The following GULP1 variants were observed in gnomAD, a reference collection of about 807,000 sequenced individuals.
The protein encoded by GULP1 is PTB domain-containing engulfment adapter protein 1.
Under a neutral mutation model 40.9 loss-of-function variants are expected in GULP1, and 19 were observed. The observed-to-expected ratio is 0.46, with a 90% CI of 0.32 to 0.68. GULP1 has a LOEUF of 0.68. Among genes scored for constraint, GULP1 ranks in the 30% least tolerant of loss-of-function variants. The pLI is 0.03. For synonymous variants in GULP1, 119 were observed against 117.6 expected, an observed-to-expected ratio of 1.01 and a Z score of -0.08; for missense variants, 312 against 362.2, an observed-to-expected ratio of 0.86 and a Z score of 1.12.
At chr2:188,405,174 A>T (rs1333154038) in intron 2 of GULP1, among the ~76,000 whole-genome samples, 3 of 151,866 alleles carry the variant, frequency 2.0e-5, no homozygotes, top group African/African-American at 7.3e-5. Context: ...GTGCTTGCAG[A>T]CCTATCCTCT....
At position 188,412,387 on chromosome 2, in the gene GULP1, C is replaced by T. The variant is rs761762982; in HGVS notation, c.-45+28498C>T. On this transcript the variant is annotated intron_variant, in intron 2 of 11. Coordinates refer to ENST00000409830, the MANE Select transcript of GULP1 (RefSeq NM_016315.4). ...AATAGTGTGATTTCATCTTCACATCCGCTTCAGTGACCCCAGCTAACACTG... is the reference window on the plus strand; with the variant it reads ...AATAGTGTGATTTCATCTTCACATCTGCTTCAGTGACCCCAGCTAACACTG... Among the ~76,000 whole-genome samples, 8 of 152,104 alleles carry T rather than the reference C, an allele frequency of 5.3e-5. No individual in the cohort carries two copies. In the South Asian group the frequency reaches 8.3e-4, roughly 16 times the overall value.
rs903284327 is a variant in GULP1 at position 188,592,673 on chromosome 2, A to G, written c.844-1267A>G. 3 of 152,082 alleles carry G rather than the reference A, an allele frequency of 2.0e-5. No individual in the cohort carries two copies. In the East Asian group the frequency reaches 5.8e-4, roughly 29 times the overall value. The allele number at this position is 152,082 out of a possible 1,614,324, so 9.4% of individuals were successfully genotyped here. A position where few individuals can be genotyped will look rare whatever the true frequency, so the allele number is the denominator to read the frequency against. ...TATTCTTTGAACATTAATAACAAAT[A>G]AAGTATGGCTTACAGCTTTGTAACT... On this transcript the variant is annotated intron_variant, in intron 11 of 11. Coordinates refer to ENST00000409830, the MANE Select transcript of GULP1 (RefSeq NM_016315.4).
intron 9 of GULP1, among the ~76,000 whole-genome samples, chr2:188,575,992 G>C (rs1240028049): frequency 6.6e-6 from 1 of 152,048 alleles, no homozygotes; most frequent in African/African-American, 2.4e-5. Context: ...TAATGGATTG[G>C]TTGGGGGCAG....
Position 188,477,705 on chromosome 2 carries a change from GAA to G in GULP1, c.4_5del (p.Asn2ProfsTer4). ...CATTTATTTGGCTGATCCTCATCAT[GAA>G]CCGTGCTTTTAGCAGGAAGAAAGGT... M[N>X]RAFSRKKDKT... On this transcript the variant is annotated frameshift_variant, in exon 3 of 12. Transcript: ENST00000409830. LOFTEE classifies it high-confidence loss of function. The G allele has an allele frequency of 6.3e-7, 1 of 1,599,856 alleles. No homozygotes were observed. Among genetic ancestry groups the G allele is most frequent in the Non-Finnish European group, 8.5e-7 (1 of 1,173,854 alleles).
intron 2 of GULP1, among the ~76,000 whole-genome samples, chr2:188,399,708 A>AAAAAAAAAAC: frequency 6.7e-6 from 1 of 150,214 alleles, no homozygotes; most frequent in Non-Finnish European, 1.5e-5. Context: ...AAAAAAAAAA[A>AAAAAAAAAAC]AAAAAACATC....
chr2:188,353,909 G>A (rs1488829567), intron 1 of GULP1, among the ~76,000 whole-genome samples: 1 of 151,928 alleles, frequency 6.6e-6, no homozygotes, highest in Non-Finnish European at 1.5e-5. Context: ...AAGCAGAGCA[G>A]CTGTACATCC....
chr2:188,435,286 G>C (rs1222127726), intron 2 of GULP1, among the ~76,000 whole-genome samples: 10 of 151,968 alleles, frequency 6.6e-5, no homozygotes, highest in African/African-American at 2.4e-4. Context: ...ACAAACCTTT[G>C]CCCTTGCCAG....
intron 1 of GULP1, among the ~76,000 whole-genome samples, chr2:188,359,615 A>G (rs2045825315): frequency 6.6e-6 from 1 of 152,050 alleles, no homozygotes; most frequent in Admixed American, 6.6e-5. Context: ...TATTGTTTTG[A>G]ATGTAAGGTG....
chr2:188,470,768 A>G (rs558687166), intron 2 of GULP1, among the ~76,000 whole-genome samples: 1 of 152,284 alleles, frequency 6.6e-6, no homozygotes, highest in Non-Finnish European at 1.5e-5. Context: ...AGTTTTGGTC[A>G]GAGAAGATGC....
At chr2:188,422,664 C>T (rs903598861) in intron 2 of GULP1, among the ~76,000 whole-genome samples, 25 of 151,866 alleles carry the variant, frequency 1.6e-4, no homozygotes, top group African/African-American at 6.0e-4. Context: ...AATTTTGATA[C>T]AATTTTTAAA....
At chr2:188,308,922 G>T in intron 1 of GULP1, among the ~76,000 whole-genome samples, 1 of 152,218 alleles carries the variant, frequency 6.6e-6, no homozygotes, top group East Asian at 1.9e-4. Context: ...TTTTTCTTGT[G>T]TGTTCCCTCC....
chr2:188,350,023 A>G (rs1464704575), intron 1 of GULP1, among the ~76,000 whole-genome samples: 4 of 152,166 alleles, frequency 2.6e-5, no homozygotes, highest in African/African-American at 9.6e-5. Context: ...GGCTATACAT[A>G]TAAGGGTTTA....
At chr2:188,592,831 T>C (rs908611584) in intron 11 of GULP1, 1 of 152,080 alleles carries the variant, frequency 6.6e-6, no homozygotes, top group Admixed American at 6.6e-5. Context: ...CAAGTAGATA[T>C]AGTCAGTCCA....
intron 2 of GULP1, among the ~76,000 whole-genome samples, chr2:188,393,409 TC>T (rs1483193381): frequency 1.3e-5 from 2 of 152,084 alleles, no homozygotes; most frequent in African/African-American, 4.8e-5. Context: ...TGATTTTGGT[TC>T]CCATTTGCAT....
chr2:188,419,270 C>T (rs1575129077), intron 2 of GULP1, among the ~76,000 whole-genome samples: 1 of 152,034 alleles, frequency 6.6e-6, no homozygotes, highest in Non-Finnish European at 1.5e-5. Context: ...GTTTGAGAAA[C>T]CTCTGTACTT....
chr2:188,501,765 C>T (rs1040619537), intron 4 of GULP1, among the ~76,000 whole-genome samples: 1 of 151,916 alleles, frequency 6.6e-6, no homozygotes, highest in Non-Finnish European at 1.5e-5. Flanking sequence ...AAAGGATGCC[C>T]CTGTGTCTCA....
At chr2:188,380,324 T>C (rs1005386100) in intron 1 of GULP1, among the ~76,000 whole-genome samples, 7 of 152,202 alleles carry the variant, frequency 4.6e-5, no homozygotes, top group African/African-American at 1.7e-4. Flanking sequence ...GCATTGGTGA[T>C]GTGGCCAAAT....
At chr2:188,412,185 G>A (rs1239704215) in intron 2 of GULP1, among the ~76,000 whole-genome samples, 1 of 152,050 alleles carries the variant, frequency 6.6e-6, no homozygotes, top group African/African-American at 2.4e-5. Context: ...CCTTCTCATG[G>A]CAGTAGGAAG....
rs148500004 is a variant in GULP1 at position 188,541,291 on chromosome 2, G to A, written c.372G>A (p.Leu124=). Residue 124 remains leucine (L), a synonymous_variant, in exon 7 of 12, where the codon TTG becomes TTA. Coordinates refer to ENST00000409830, the MANE Select transcript of GULP1 (RefSeq NM_016315.4). The part of the protein sequence containing the change: ...ICKDSESNKH[L]CYVFDSEKCA... ...AAGATTCTGAGTCAAATAAACATTT[G>A]TGCTATGTATTTGACAGCGAAAAGT... is the stretch of plus-strand genomic sequence containing the variant. 5.0e-6 allele frequency: 8 copies of A among 1,612,650 alleles called. No individual in the cohort carries two copies. The highest frequency in any genetic ancestry group is 5.9e-6 in the Non-Finnish European group (7 of 1,178,878).
Sources: allele counts gnomAD v4.1 joint callset (sites outside exome capture counted in the v4.1 genomes callset), GRCh38; gene constraint gnomAD v4.1.1; transcripts MANE v1.5; gene names NCBI Gene and HGNC (gene_info 2026-07-23, HGNC 2026-07-21).